Variants in CNTLN observed in about 807,000 individuals in gnomAD.
CNTLN encodes the protein centlein, also known as centlein, centrosomal protein.
CNTLN carries 212 observed loss-of-function variants against 180.0 expected under a neutral mutation model. The observed-to-expected ratio is 1.18, with a 90% CI of 1.05 to 1.32. CNTLN has a LOEUF of 1.32. CNTLN is among the 40% of genes most tolerant of loss of function. CNTLN has a pLI of 0.00. For missense variants in CNTLN, 2,095 were observed against 1,610.9 expected, an observed-to-expected ratio of 1.30 and a Z score of -5.14; for synonymous variants, 722 against 563.1, an observed-to-expected ratio of 1.28 and a Z score of -3.99.
chr9:17,394,680 G>T lies in CNTLN; in HGVS notation c.2226G>T (p.Glu742Asp). The change falls in exon 15 of 26, where the codon GAG (glutamate) becomes GAT (aspartate). Residue 742 changes from glutamate (E) to aspartate (D), a missense_variant. Transcript: ENST00000380647. The part of the protein sequence containing the change: ...QQEDTETREK[E>D]LEQIIKGSKD... ...AAGATACAGAGACCAGAGAAAAAGA[G>T]CTAGAACAGATAATAAAGGGGAGTA... 1 of 1,613,690 alleles carries T rather than the reference G, an allele frequency of 6.2e-7. No homozygotes were observed. The highest frequency in any genetic ancestry group is 8.5e-7 in the Non-Finnish European group (1 of 1,179,772).
At chr9:17,259,222 A>C (rs112931816) in intron 5 of CNTLN, among the ~76,000 whole-genome samples, 31 of 149,164 alleles carry the variant, frequency 2.1e-4, no homozygotes, top group African/African-American at 6.4e-4. Context: ...TTCTGCATCT[A>C]TTGAGATAAT....
chr9:17,138,686 A>C (rs1345777897), intron 1 of CNTLN, among the ~76,000 whole-genome samples: 1 of 152,194 alleles, frequency 6.6e-6, no homozygotes, highest in African/African-American at 2.4e-5. Context: ...TAAACTCTTG[A>C]CATCCTTTGC....
chr9:17,294,808 GA>G (rs1195829572), intron 6 of CNTLN, among the ~76,000 whole-genome samples: 1 of 26,060 alleles, frequency 3.8e-5, no homozygotes, highest in African/African-American at 1.6e-4. Flanking sequence ...GGGTGGGGGG[GA>G]GTGGGCGAAG....
chr9:17,417,147 T>C, intron 18 of CNTLN, among the ~76,000 whole-genome samples: 1 of 152,164 alleles, frequency 6.6e-6, no homozygotes, highest in Non-Finnish European at 1.5e-5. Flanking sequence ...AATGTGGCAG[T>C]GGGATACCAG....
In CNTLN at chr9:17,409,442, C is replaced by T. The variant is rs1827670978; in HGVS notation, c.2765C>T (p.Thr922Ile). Residue 922 changes from threonine (T) to isoleucine (I), a missense_variant, in exon 16 of 26, where the codon ACA becomes ATA. By Grantham distance (89) the Thr-to-Ile change is moderately conservative. Coordinates refer to ENST00000380647, the MANE Select transcript of CNTLN (RefSeq NM_017738.4). ...ACACAAGGAAAAGAAATAGTACAGA[C>T]ATATTTAAATATAGATGGCAAGACC... ...SQTQGKEIVQ[T>I]YLNIDGKTPK... 3.1e-6 allele frequency: 5 copies of T among 1,606,420 alleles called. No homozygotes were observed. In the East Asian group the frequency reaches 8.9e-5, roughly 29 times the overall value.
chr9:17,493,946 G>C (rs1442867402), intron 25 of CNTLN, among the ~76,000 whole-genome samples: 1 of 152,190 alleles, frequency 6.6e-6, no homozygotes, highest in Non-Finnish European at 1.5e-5. Context: ...ACGTTAGCAT[G>C]AGAAGAAGTT....
At chr9:17,416,799 T>G (rs535046527) in intron 18 of CNTLN, among the ~76,000 whole-genome samples, 1 of 152,140 alleles carries the variant, frequency 6.6e-6, no homozygotes, top group Non-Finnish European at 1.5e-5. Context: ...AGAAAAGATT[T>G]TTTGTTCTTT....
At chr9:17,449,114 A>G (rs540227411) in intron 18 of CNTLN, among the ~76,000 whole-genome samples, 1 of 152,328 alleles carries the variant, frequency 6.6e-6, no homozygotes, top group African/African-American at 2.4e-5. Context: ...TACCATATAA[A>G]CATTGAGAAA....
At position 17,409,332 on chromosome 9, in the gene CNTLN, A is replaced by G. The variant is rs754546569; in HGVS notation, c.2655A>G (p.Thr885=). Residue 885 remains threonine, a synonymous_variant, in exon 16 of 26, where the codon ACA becomes ACG. Coordinates refer to ENST00000380647, the MANE Select transcript of CNTLN (RefSeq NM_017738.4). ...CACAGACCTCTCAAACTTTGGGAAC[A>G]ATTATTGTAGAAACATCCCAGAAAA... ...SEAQTSQTLG[T]IIVETSQKIS... is the part of the protein sequence containing the mutation. 6.2e-7 allele frequency: 1 copy of G among 1,613,144 alleles called. No homozygotes were observed. Among genetic ancestry groups the G allele is most frequent in the South Asian group, 1.1e-5 (1 of 90,922 alleles).
At chr9:17,212,432 T>G (rs138480879) in intron 2 of CNTLN, among the ~76,000 whole-genome samples, 3 of 152,224 alleles carry the variant, frequency 2.0e-5, no homozygotes, top group Non-Finnish European at 2.9e-5. Flanking sequence ...ATAAGCTTTT[T>G]GATGTGCTGC....
At chr9:17,335,918 T>C (rs932753056) in intron 10 of CNTLN, among the ~76,000 whole-genome samples, 4 of 129,294 alleles carry the variant, frequency 3.1e-5, no homozygotes, top group Non-Finnish European at 5.1e-5. Context: ...TTCCAGCGAG[T>C]CTGTCTCAAA....
Position 17,143,334 on chromosome 9 carries a change from C to G in CNTLN, c.407C>G (p.Thr136Arg). 6.2e-7 allele frequency: 1 copy of G among 1,613,664 alleles called. No homozygotes were observed. Among genetic ancestry groups the G allele is most frequent in the Non-Finnish European group, 8.5e-7 (1 of 1,179,758 alleles). ...TCTTTGTGGAAACGTCTCCAGGTTA[C>G]AAACCCAGATCTCACACAAGTGGTC... is the stretch of plus-strand genomic sequence containing the variant. ...VWSLWKRLQV[T>R]NPDLTQVVSL... Residue 136 changes from threonine to arginine, a missense_variant, in exon 2 of 26, where the codon ACA becomes AGA. By Grantham distance (71) the Thr-to-Arg change is moderately conservative. Coordinates refer to ENST00000380647, the MANE Select transcript of CNTLN (RefSeq NM_017738.4).
chr9:17,161,443 CAT>C (rs1282237055), intron 2 of CNTLN, among the ~76,000 whole-genome samples: 2 of 151,972 alleles, frequency 1.3e-5, no homozygotes, highest in Non-Finnish European at 2.9e-5. Context: ...CATAAGGAAA[CAT>C]AATCTCAGGA....
At position 17,225,298 on chromosome 9, in the gene CNTLN, A is replaced by C. The variant is rs115680656; in HGVS notation, c.450-905A>C. Among the ~76,000 whole-genome samples, 474 of 152,084 alleles carry C rather than the reference A, an allele frequency of 3.1e-3. 1 individual carries two copies. The highest frequency in any genetic ancestry group is 0.011 in the African/African-American group (457 of 41,526). ...ACTGGGTAAGGCACTTGTATTCCCT[A>C]TTAACCCCAGAAGTCAAGCTCCTTT... On this transcript the variant is annotated intron_variant, in intron 2 of 25. Transcript: ENST00000380647.
At chr9:17,148,971 C>T (rs1481441808) in intron 2 of CNTLN, among the ~76,000 whole-genome samples, 1 of 152,146 alleles carries the variant, frequency 6.6e-6, no homozygotes, top group Non-Finnish European at 1.5e-5. Flanking sequence ...CCTCCTGTAG[C>T]CCCCACCTCC....
At position 17,298,269 on chromosome 9, in the gene CNTLN, C is replaced by T; in HGVS notation, c.1063C>T (p.Leu355Phe). ...CCAGCAAGCAGAGCTGATCCAGCAG[C>T]TTCAGGTTCTCAATATGGACACACA... Reference protein sequence around the residue: ...TAQQAELIQQLQVLNMDTQKV... With the variant: ...TAQQAELIQQFQVLNMDTQKV... The change falls in exon 7 of 26, where the codon CTT becomes TTT. Residue 355 changes from leucine to phenylalanine, a missense_variant. Coordinates refer to ENST00000380647, the MANE Select transcript of CNTLN (RefSeq NM_017738.4). 6.2e-7 allele frequency: 1 copy of T among 1,613,592 alleles called. No homozygotes were observed. Among genetic ancestry groups the T allele is most frequent in the Middle Eastern group, 1.7e-4 (1 of 6,060 alleles).
At chr9:17,449,267 T>TC (rs1830642976) in intron 18 of CNTLN, among the ~76,000 whole-genome samples, 1 of 137,776 alleles carries the variant, frequency 7.3e-6, no homozygotes, top group Non-Finnish European at 1.6e-5. Flanking sequence ...TATCCCTCCC[T>TC]CCTCCCCCCA....
chr9:17,321,583 A>G (rs1819915479), intron 8 of CNTLN, among the ~76,000 whole-genome samples: 1 of 152,190 alleles, frequency 6.6e-6, no homozygotes, highest in Non-Finnish European at 1.5e-5. Context: ...TGACGTGGAG[A>G]AAAAATGTCA....
intron 2 of CNTLN, among the ~76,000 whole-genome samples, chr9:17,158,496 C>A (rs757703759): frequency 6.6e-6 from 1 of 151,680 alleles, no homozygotes; most frequent in South Asian, 2.1e-4. Context: ...GTAGTAAATC[C>A]ATTCAGGTCT....
Sources: gnomAD v4.1 joint callset for allele counts (sites outside exome capture counted in the v4.1 genomes callset) on GRCh38, gnomAD v4.1.1 for gene constraint, MANE v1.5 for transcripts, NCBI Gene and HGNC (gene_info 2026-07-23, HGNC 2026-07-21) for gene names.